BOP1: variants seen among roughly 807,000 people sequenced by gnomAD.
BOP1 encodes the protein ribosome biogenesis protein BOP1.
In BOP1, 54 loss-of-function variants were observed where a neutral mutation model predicts 82.9. The ratio of observed to expected loss-of-function variants is 0.65; its 90% CI spans 0.52 to 0.82. BOP1 has a LOEUF of 0.82. BOP1 is among the 40% of genes least tolerant of loss of function. The pLI is 0.00. For synonymous variants in BOP1, 566 were observed against 451.1 expected (o/e 1.25, Z -3.23); for missense variants, 1,170 against 1,072.0 (o/e 1.09, Z -1.28).
intron 3 of BOP1, among the ~76,000 whole-genome samples, chr8:144,271,191 C>G (rs2130226676): frequency 6.6e-6 from 1 of 152,262 alleles, no homozygotes; most frequent in East Asian, 1.9e-4. Flanking sequence ...AGGCCGCAAC[C>G]GGCTGATGTG....
intron 3 of BOP1, chr8:144,267,204 G>A (rs989732565): frequency 8.7e-6 from 13 of 1,493,364 alleles, no homozygotes; most frequent in Middle Eastern, 1.9e-4. Context: ...GTGGGGCGCC[G>A]AGGGGGGCCT....
Position 144,291,417 on chromosome 8 carries a change from G to C in BOP1, c.-47C>G. 4.6e-6 allele frequency: 5 copies of C among 1,094,194 alleles called. No individual in the cohort carries two copies. Among genetic ancestry groups the C allele is most frequent in the Non-Finnish European group, 5.6e-6 (5 of 895,988 alleles). The allele number at this position is 1,094,194 out of a possible 1,614,324, so 67.8% of individuals were successfully genotyped here. A position where few individuals can be genotyped will look rare whatever the true frequency, so the allele number is the denominator to read the frequency against. ...CACCCGCACAGCCGCTTCCGACAGC[G>C]ACCGGGCCGCGTGCGCAGGAGGACG... On this transcript the variant is annotated 5_prime_UTR_variant, in exon 1 of 16. Transcript: ENST00000569669. This position sits in a 1 kb window ranked among gnomAD's most constrained non-coding sequence, Gnocchi z 4.1.
chr8:144,272,565 A>G (rs1339612387), intron 3 of BOP1, among the ~76,000 whole-genome samples: 3 of 152,092 alleles, frequency 2.0e-5, no homozygotes, highest in Admixed American at 6.5e-5. Context: ...AGAGCCCTGT[A>G]GAGCACCCCC....
At position 144,262,449 on chromosome 8, in the gene BOP1, A is replaced by G. The variant is rs7016857; in HGVS notation, c.2034T>C (p.Phe678=). Residue 678 remains phenylalanine (F), a synonymous_variant, in exon 15 of 16, where the codon TTT becomes TTC. Transcript: ENST00000569669. ...AVAFHPRYPL[F]ASGSDDGSVI... The stretch of plus-strand genomic sequence containing the variant: ...CACTGCCGTCGTCCGAGCCTGACGC[A>G]AAGAGTGGGTACCGCGGGTGGAAGG... 60,796 of 1,612,792 alleles carry G rather than the reference A, an allele frequency of 0.038. 2,229 individuals are homozygous for G. Among genetic ancestry groups the G allele is most frequent in the African/African-American group, 0.19 (14,208 of 74,928 alleles).
At chr8:144,277,097 T>C (rs965846822) in intron 2 of BOP1, among the ~76,000 whole-genome samples, 1 of 151,970 alleles carries the variant, frequency 6.6e-6, no homozygotes, top group East Asian at 1.9e-4. Context: ...CAGGCCCACC[T>C]CTCACCCGTG....
chr8:144,268,424 A>T (rs954538969), intron 3 of BOP1: 1 of 572,382 alleles, frequency 1.7e-6, no homozygotes, highest in Non-Finnish European at 3.1e-6. Context: ...TGTTTTTGAT[A>T]TGATAATATA....
At chr8:144,263,953 AC>A (rs1243999382) in intron 8 of BOP1, 27 bp downstream of exon 8, 4 of 1,609,526 alleles carry the variant, frequency 2.5e-6, no homozygotes, top group African/African-American at 1.3e-5. Context: ...CCCCTGTGCC[AC>A]CCCCCTGGTG....
intron 2 of BOP1, among the ~76,000 whole-genome samples, chr8:144,287,993 C>T (rs753164222): frequency 2.2e-4 from 34 of 151,908 alleles, no homozygotes; most frequent in Non-Finnish European, 3.2e-4. Flanking sequence ...GGGCTGGGCG[C>T]GGTGGCTCAC....
At chr8:144,289,062 G>A in intron 2 of BOP1, 33 bp downstream of exon 2, 7 of 1,610,724 alleles carry the variant, frequency 4.3e-6, no homozygotes, top group Non-Finnish European at 5.9e-6. Flanking sequence ...GCACATGGGG[G>A]ACAGCCCTCG....
rs914444437 is a variant in BOP1, at chr8:144,268,072, C to T, written c.391-3001G>A. On this transcript the variant is annotated intron_variant, in intron 3 of 15. Coordinates refer to ENST00000569669, the MANE Select transcript of BOP1 (RefSeq NM_015201.5). ...GGCGCAGACTGGCGCTGGGCTCTGC[C>T]GGGGCCTGACACTCCTCCCTCCCCT... 3.3e-5 allele frequency: 51 copies of T among 1,549,660 alleles called. 2 individuals are homozygous for T. In the African/African-American group the frequency reaches 3.6e-4, roughly 11 times the overall value.
intron 3 of BOP1, among the ~76,000 whole-genome samples, chr8:144,275,456 GC>G (rs1845554762): frequency 1.8e-5 from 1 of 55,022 alleles, no homozygotes; most frequent in Admixed American, 1.6e-4. Flanking sequence ...CCCGGTGCCA[GC>G]CTCTCCACGC....
At chr8:144,269,801 G>A (rs1309656188) in intron 3 of BOP1, among the ~76,000 whole-genome samples, 1 of 152,150 alleles carries the variant, frequency 6.6e-6, no homozygotes, top group Non-Finnish European at 1.5e-5. Flanking sequence ...TTCCCTTCTT[G>A]GGAGCTTTCC....
At chr8:144,281,113 C>G (rs113669241) in intron 2 of BOP1, among the ~76,000 whole-genome samples, 1 of 92,678 alleles carries the variant, frequency 1.1e-5, no homozygotes, top group Non-Finnish European at 2.3e-5. Context: ...CTTCGGCCTT[C>G]TCTCAGTTTA....
intron 2 of BOP1, among the ~76,000 whole-genome samples, chr8:144,277,648 C>T (rs1554838412): frequency 9.2e-5 from 14 of 152,374 alleles, no homozygotes; most frequent in South Asian, 4.1e-4. Flanking sequence ...GGACAGGCCA[C>T]GGCACAGGCA....
At chr8:144,265,128 G>T in intron 3 of BOP1, 57 bp from the exon 4 acceptor site, 1 of 1,570,148 alleles carries the variant, frequency 6.4e-7, no homozygotes, top group South Asian at 1.2e-5. Flanking sequence ...CCCCCGCTTC[G>T]GGCCGCCCAG....
intron 2 of BOP1, among the ~76,000 whole-genome samples, chr8:144,280,032 T>C (rs1703652732): frequency 6.6e-6 from 1 of 152,174 alleles, no homozygotes. Flanking sequence ...GACACTGTAC[T>C]CAGGGTGTAC....
intron 2 of BOP1, among the ~76,000 whole-genome samples, chr8:144,282,607 T>C (rs1845702357): frequency 1.3e-5 from 2 of 151,976 alleles, no homozygotes; most frequent in Non-Finnish European, 2.9e-5. Flanking sequence ...AGGAGGCTAC[T>C]AGCAACAGCT....
Position 144,263,773 on chromosome 8 carries a change from G to C in BOP1, c.1222-12C>G. 6.3e-7 allele frequency: 1 copy of C among 1,595,170 alleles called. No individual in the cohort carries two copies. The highest frequency in any genetic ancestry group is 1.1e-5 in the South Asian group (1 of 88,530). ...TGGCCCCTGTAGACCTGAGGAGGCG[G>C]CGGCAGTGAGGAGTCAGACTGGGAG... On this transcript the variant is annotated splice_polypyrimidine_tract_variant and intron_variant, in intron 9 of 15. Transcript: ENST00000569669.
intron 2 of BOP1, among the ~76,000 whole-genome samples, chr8:144,279,735 C>A (rs1845639944): frequency 6.6e-6 from 1 of 152,224 alleles, no homozygotes; most frequent in South Asian, 2.1e-4. Flanking sequence ...AGGGAGGCAG[C>A]CCACACTGAC....
Sources: allele counts gnomAD v4.1 joint callset (sites outside exome capture counted in the v4.1 genomes callset), GRCh38; gene constraint gnomAD v4.1.1; non-coding constraint Gnocchi (gnomAD v3.1); transcripts MANE v1.5; gene names NCBI Gene and HGNC (gene_info 2026-07-23, HGNC 2026-07-21).